Variants in ANGPT1 observed in about 807,000 individuals in gnomAD.
ANGPT1 encodes the protein angiopoietin 1.
ANGPT1 carries 17 observed loss-of-function variants against 62.2 expected under a neutral mutation model. That is an observed-to-expected ratio of 0.27 (90% CI 0.19 to 0.41). ANGPT1 has a LOEUF of 0.41. Ranked by LOEUF, ANGPT1 falls within the 10% of genes least tolerant of loss-of-function variation. The probability of loss-of-function intolerance (pLI) is 1.00; values close to 1 mark genes in which losing one functional copy is unlikely to be tolerated. For synonymous variants in ANGPT1, 199 were observed against 198.9 expected (o/e 1.00, Z 0.00); for missense variants, 478 against 594.9 (o/e 0.80, Z 2.04).
chr8:107,305,806 T>C (rs923308441), intron 4 of ANGPT1, among the ~76,000 whole-genome samples: 2 of 152,070 alleles, frequency 1.3e-5, no homozygotes, highest in Non-Finnish European at 2.9e-5. Context: ...ATTAGATTGA[T>C]TGTTTTTAAT....
At chr8:107,426,875 T>A (rs1015024132) in intron 1 of ANGPT1, among the ~76,000 whole-genome samples, 2 of 152,186 alleles carry the variant, frequency 1.3e-5, no homozygotes, top group African/African-American at 2.4e-5. Context: ...ATATAGGACC[T>A]ATGTCACCAA....
At chr8:107,294,261 G>A (rs1814356689) in intron 5 of ANGPT1, 2 of 367,850 alleles carry the variant, frequency 5.4e-6, no homozygotes, top group Non-Finnish European at 9.6e-6. Flanking sequence ...TAAATTACAT[G>A]CACAAATTTT....
intron 2 of ANGPT1, among the ~76,000 whole-genome samples, chr8:107,345,421 T>A (rs1057464803): frequency 1.1e-4 from 16 of 152,062 alleles, no homozygotes; most frequent in African/African-American, 3.4e-4. Context: ...ATGGGACATT[T>A]TTTTTTCCCA....
intron 1 of ANGPT1, among the ~76,000 whole-genome samples, chr8:107,438,866 T>C (rs1335129225): frequency 1.3e-5 from 2 of 152,114 alleles, no homozygotes; most frequent in East Asian, 3.9e-4. Context: ...CATGAGAGAA[T>C]GAATGTATGC....
At chr8:107,315,193 T>C (rs1005443739) in intron 4 of ANGPT1, among the ~76,000 whole-genome samples, 1 of 152,194 alleles carries the variant, frequency 6.6e-6, no homozygotes, top group Non-Finnish European at 1.5e-5. Context: ...ACATTTGTAG[T>C]ATCAGCCATT....
At chr8:107,411,808 G>C (rs918129766) in intron 1 of ANGPT1, among the ~76,000 whole-genome samples, 3 of 152,144 alleles carry the variant, frequency 2.0e-5, no homozygotes, top group Non-Finnish European at 4.4e-5. Context: ...CTATGCATTT[G>C]GAGAAGTTAT....
At chr8:107,336,784 T>C (rs1160269230) in intron 2 of ANGPT1, among the ~76,000 whole-genome samples, 1 of 152,136 alleles carries the variant, frequency 6.6e-6, no homozygotes. Context: ...AACAAACATA[T>C]TGTGTTTTAG....
chr8:107,423,948 C>A (rs1409788783), intron 1 of ANGPT1, among the ~76,000 whole-genome samples: 2 of 144,140 alleles, frequency 1.4e-5, no homozygotes, highest in African/African-American at 5.1e-5. Flanking sequence ...TCAAGCAATT[C>A]TCCTGCCTCA....
Position 107,497,400 on chromosome 8 carries a change from G to T in ANGPT1, c.159C>A (p.Asn53Lys). 1 of 1,614,162 alleles carries T rather than the reference G, an allele frequency of 6.2e-7. No homozygotes were observed. Among genetic ancestry groups the T allele is most frequent in the Non-Finnish European group, 8.5e-7 (1 of 1,180,022 alleles). Residue 53 changes from asparagine to lysine, a missense_variant, in exon 1 of 9, where the codon AAC becomes AAA. By Grantham distance (94) the Asn-to-Lys change is moderately conservative. Transcript: ENST00000517746. ...YTFILPEHDGNCRESTTDQYN... is the reference protein window; with the variant it reads ...YTFILPEHDGKCRESTTDQYN... Reference sequence around the variant, plus strand: ...ACTGGTCTGTCGTACTCTCACGACAGTTGCCATCGTGTTCTGGAAGAATGA... The same window carrying T: ...ACTGGTCTGTCGTACTCTCACGACATTTGCCATCGTGTTCTGGAAGAATGA...
At chr8:107,429,088 T>C (rs1197210714) in intron 1 of ANGPT1, among the ~76,000 whole-genome samples, 1 of 152,240 alleles carries the variant, frequency 6.6e-6, no homozygotes, top group Non-Finnish European at 1.5e-5. Context: ...TCAATAGTTA[T>C]ATTTAAGACG....
chr8:107,306,406 A>G (rs1814718801), intron 4 of ANGPT1, among the ~76,000 whole-genome samples: 1 of 152,152 alleles, frequency 6.6e-6, no homozygotes, highest in Admixed American at 6.6e-5. Flanking sequence ...GTGTATTTTA[A>G]GCTTTACCTA....
At chr8:107,424,287 C>A (rs1810979979) in intron 1 of ANGPT1, among the ~76,000 whole-genome samples, 1 of 152,034 alleles carries the variant, frequency 6.6e-6, no homozygotes. Context: ...AAATTCAAAT[C>A]CATTTAAGAG....
intron 1 of ANGPT1, among the ~76,000 whole-genome samples, chr8:107,363,301 C>T (rs1816205808): frequency 6.6e-6 from 1 of 152,070 alleles, no homozygotes; most frequent in Non-Finnish European, 1.5e-5. Context: ...ACTTATACTT[C>T]GATGTGGGTA....
At chr8:107,380,846 A>T (rs1190652562) in intron 1 of ANGPT1, among the ~76,000 whole-genome samples, 1 of 152,122 alleles carries the variant, frequency 6.6e-6, no homozygotes, top group African/African-American at 2.4e-5. Flanking sequence ...AGAGAACCTT[A>T]AAGGACCCCA....
intron 8 of ANGPT1, among the ~76,000 whole-genome samples, chr8:107,263,844 C>A (rs1813553614): frequency 6.6e-6 from 1 of 152,142 alleles, no homozygotes; most frequent in African/African-American, 2.4e-5. Flanking sequence ...AATTAACTTA[C>A]TACATAATTG....
At chr8:107,260,871 G>T (rs149637762) in intron 8 of ANGPT1, among the ~76,000 whole-genome samples, 3 of 152,186 alleles carry the variant, frequency 2.0e-5, no homozygotes, top group Non-Finnish European at 4.4e-5. Context: ...AGAACATGAC[G>T]AAGTTCAATC....
intron 7 of ANGPT1, among the ~76,000 whole-genome samples, chr8:107,275,213 G>A (rs1028781577): frequency 2.0e-5 from 3 of 152,012 alleles, no homozygotes; most frequent in Non-Finnish European, 2.9e-5. Context: ...GGCCGTATCA[G>A]AGCAATATTG....
chr8:107,450,534 A>T (rs1280144492), intron 1 of ANGPT1, among the ~76,000 whole-genome samples: 1 of 151,922 alleles, frequency 6.6e-6, no homozygotes, highest in Non-Finnish European at 1.5e-5. Flanking sequence ...CCCAGTTTGG[A>T]TCGGAATAAC....
At chr8:107,344,151 A>T (rs1815754713) in intron 2 of ANGPT1, among the ~76,000 whole-genome samples, 1 of 152,190 alleles carries the variant, frequency 6.6e-6, no homozygotes, top group Non-Finnish European at 1.5e-5. Context: ...TAGCCAATAT[A>T]TGTAAAATTA....
Sources: gnomAD v4.1 joint callset for allele counts (sites outside exome capture counted in the v4.1 genomes callset) on GRCh38, gnomAD v4.1.1 for gene constraint, MANE v1.5 for transcripts, NCBI Gene and HGNC (gene_info 2026-07-23, HGNC 2026-07-21) for gene names.